Variants in IFT56 observed in about 807,000 individuals in gnomAD.
The protein encoded by IFT56 is intraflagellar transport 56, also known as intraflagellar transport protein 56.
At chr7:139,139,608 GTTCAGTTACTTTTTGT>G in the IFT56 span, among the ~76,000 whole-genome samples, 6 of 152,132 alleles carry the variant, frequency 3.9e-5, no homozygotes, top group African/African-American at 1.4e-4. Flanking sequence ...AAATAAAATA[GTTCAGTTACTTTTTGT>G]TTCTATTGTT....
chr7:139,148,269 G>A, the IFT56 span: 2 of 1,613,902 alleles, frequency 1.2e-6, no homozygotes, highest in Non-Finnish European at 1.7e-6. Flanking sequence ...ACTATGATGT[G>A]TCTCAAGAAG....
the IFT56 span, chr7:139,179,480 C>G: frequency 1.0e-6 from 1 of 983,582 alleles, no homozygotes; most frequent in Non-Finnish European, 1.6e-6. Flanking sequence ...GTCTATAATG[C>G]TACAGTGATC....
chr7:139,162,482 A>G, the IFT56 span, among the ~76,000 whole-genome samples: 2 of 152,276 alleles, frequency 1.3e-5, no homozygotes, highest in East Asian at 3.9e-4. Flanking sequence ...AACACATATT[A>G]CTTTTATTTT....
At chr7:139,186,426 T>TA in the IFT56 span, among the ~76,000 whole-genome samples, 162 of 137,544 alleles carry the variant, frequency 1.2e-3, no homozygotes, top group East Asian at 6.8e-3. Flanking sequence ...ATCCTATCTC[T>TA]AAAAAAAAAA....
At chr7:139,147,327 A>G in the IFT56 span, 1 of 1,538,652 alleles carries the variant, frequency 6.5e-7, no homozygotes. Flanking sequence ...CATTCCTTTC[A>G]TTTTGTTAGT....
the IFT56 span, among the ~76,000 whole-genome samples, chr7:139,142,838 AAAG>A: frequency 2.0e-5 from 3 of 152,336 alleles, no homozygotes; most frequent in East Asian, 5.8e-4. Flanking sequence ...TCTCAAAAAA[AAAG>A]AAGTTTAGTT....
chr7:139,142,113 C>T, the IFT56 span: 12 of 835,542 alleles, frequency 1.4e-5, no homozygotes, highest in Non-Finnish European at 2.0e-5. Context: ...GGACACCAGA[C>T]TCAAACAATA....
At chr7:139,145,506 C>T in the IFT56 span, among the ~76,000 whole-genome samples, 13 of 152,100 alleles carry the variant, frequency 8.5e-5, no homozygotes, top group African/African-American at 2.9e-4. Flanking sequence ...CTCACTGTAA[C>T]CTCTGCCTCC....
the IFT56 span, among the ~76,000 whole-genome samples, chr7:139,160,103 G>A: frequency 5.4e-4 from 82 of 152,236 alleles, 1 homozygote; most frequent in Admixed American, 2.0e-3. Flanking sequence ...CTGTGGACAA[G>A]AGAAGAGTGA....
At chr7:139,177,611 AGTGT>A in the IFT56 span, among the ~76,000 whole-genome samples, 7 of 148,588 alleles carry the variant, frequency 4.7e-5, no homozygotes, top group South Asian at 6.4e-4. Flanking sequence ...ATATATATAT[AGTGT>A]GTGTGTGTGT....
the IFT56 span, among the ~76,000 whole-genome samples, chr7:139,135,277 C>CAAAAAAAAAA: frequency 3.5e-4 from 22 of 62,866 alleles, no homozygotes; most frequent in Non-Finnish European, 6.5e-4. Context: ...GACTCCGTCT[C>CAAAAAAAAAA]AAAAAAAAAA....
At chr7:139,182,713 T>G in the IFT56 span, among the ~76,000 whole-genome samples, 1 of 151,902 alleles carries the variant, frequency 6.6e-6, no homozygotes, top group South Asian at 2.1e-4. Flanking sequence ...AGGAACCTTG[T>G]GGAAACCAGT....
At chr7:139,161,990 G>A in the IFT56 span, among the ~76,000 whole-genome samples, 23 of 152,262 alleles carry the variant, frequency 1.5e-4, 1 homozygote, top group South Asian at 1.0e-3. Flanking sequence ...ATAGATTTAG[G>A]AGTTATTGTA....
At chr7:139,171,826 A>G in the IFT56 span, among the ~76,000 whole-genome samples, 4 of 152,218 alleles carry the variant, frequency 2.6e-5, no homozygotes, top group East Asian at 5.8e-4. Flanking sequence ...TTTTCTTTCA[A>G]ACAAGATAGG....
At chr7:139,187,419 A>T in the IFT56 span, 1 of 1,614,116 alleles carries the variant, frequency 6.2e-7, no homozygotes, top group Non-Finnish European at 8.5e-7. Flanking sequence ...GGCCAGTTTT[A>T]CTATTCTGCC....
the IFT56 span, among the ~76,000 whole-genome samples, chr7:139,146,527 G>T: frequency 7.2e-5 from 11 of 152,150 alleles, no homozygotes; most frequent in Non-Finnish European, 1.3e-4. Flanking sequence ...CAGCACTTTG[G>T]GAGGCTGAGG....
At chr7:139,158,114 C>T in the IFT56 span, among the ~76,000 whole-genome samples, 694 of 151,874 alleles carry the variant, frequency 4.6e-3, 7 homozygotes, top group African/African-American at 0.016. Context: ...AGGAGTTCCA[C>T]ACCAGCCTGG....
chr7:139,178,426 AAGGTT>A, the IFT56 span: 1 of 1,442,578 alleles, frequency 6.9e-7, no homozygotes, highest in Non-Finnish European at 9.7e-7. Context: ...ACTAATCCTT[AAGGTT>A]AGTTTTGTGT....
At chr7:139,136,261 G>A in the IFT56 span, among the ~76,000 whole-genome samples, 41 of 152,168 alleles carry the variant, frequency 2.7e-4, no homozygotes, top group African/African-American at 8.4e-4. Context: ...GGTGTTGAGC[G>A]TGTTTTTTAG....
Sources: gnomAD v4.1 joint callset for allele counts (sites outside exome capture counted in the v4.1 genomes callset) on GRCh38, gnomAD v4.1.1 for gene constraint, MANE v1.5 for transcripts, NCBI Gene and HGNC (gene_info 2026-07-23, HGNC 2026-07-21) for gene names.